LHPP: variants seen among roughly 807,000 people sequenced by gnomAD.
The protein encoded by LHPP is hLHPP.
Under a neutral mutation model 30.3 loss-of-function variants are expected in LHPP, and 24 were observed. The observed-to-expected ratio is 0.79, with a 90% CI of 0.57 to 1.11. LHPP has a LOEUF of 1.11. Ranked by LOEUF, LHPP falls within the 50% of genes most tolerant of loss-of-function variation. The probability of loss-of-function intolerance (pLI) is 0.00; values close to 1 mark genes in which losing one functional copy is unlikely to be tolerated. For synonymous variants in LHPP, 150 were observed against 157.1 expected (o/e 0.95, Z 0.34); for missense variants, 356 against 367.2 (o/e 0.97, Z 0.25).
rs894142648 is a variant in LHPP at position 124,517,648 on chromosome 10, C to G, written c.716+377C>G. ...AGTTACAGCTGTGGGCACTCAGCCC[C>G]TTGGACAGCCTCCCTCTCCTTTTGT... On this transcript the variant is annotated intron_variant, in intron 6 of 6. Transcript: ENST00000368842. The surrounding 1 kb of genome is among the most constrained non-coding windows in gnomAD (Gnocchi z 4.1). Among the ~76,000 whole-genome samples the G allele has an allele frequency of 3.9e-5, 6 of 152,244 alleles. No homozygotes were observed. Among genetic ancestry groups the G allele is most frequent in the African/African-American group, 1.4e-4 (6 of 41,464 alleles).
chr10:124,597,924 G>A (rs917484567), intron 6 of LHPP, among the ~76,000 whole-genome samples: 4 of 152,166 alleles, frequency 2.6e-5, no homozygotes, highest in Non-Finnish European at 5.9e-5. Context: ...AAGGCCCTAC[G>A]CCCAGGCCCG....
Position 124,610,494 on chromosome 10 carries a change from A to C in LHPP, c.717-2770A>C, listed in dbSNP as rs370545788. On this transcript the variant is annotated intron_variant, in intron 6 of 6. Transcript: ENST00000368842. ...GGTGCTGATGGAGCGGGTGAGGGTG[A>C]GGGTGTTGACGGAGCGGGTGAGGGT... is the stretch of plus-strand genomic sequence containing the variant. Among the ~76,000 whole-genome samples the C allele has an allele frequency of 2.4e-3, 195 of 80,356 alleles. 3 individuals carry two copies. The highest frequency in any genetic ancestry group is 2.8e-3 in the Non-Finnish European group (123 of 43,952). 52.7% of individuals were successfully genotyped at this position (80,356 alleles called of 152,430 possible).
chr10:124,528,932 GGCCCTGGGGCC>G (rs1296232819), intron 6 of LHPP, among the ~76,000 whole-genome samples: 2 of 152,176 alleles, frequency 1.3e-5, no homozygotes, highest in Admixed American at 6.5e-5. Context: ...CCCCTGGAGT[GGCCCTGGGGCC>G]ACCACATAAC....
In LHPP at chr10:124,593,265, TG is replaced by T. The variant is rs1461197422; in HGVS notation, c.717-19996del. 6.6e-6 allele frequency among the ~76,000 whole-genome samples: 1 copy of T among 152,100 alleles called. No individual in the cohort carries two copies. The highest frequency in any genetic ancestry group is 1.5e-5 in the Non-Finnish European group (1 of 67,996). On this transcript the variant is annotated intron_variant, in intron 6 of 6. Transcript: ENST00000368842. The surrounding 1 kb of genome is among the most constrained non-coding windows in gnomAD (Gnocchi z 4.9). ...CTTTCTCTTTGGGTCCTGCAGCCCG[TG>T]GGTGGCAGGGCGGTAACCCCATCTG... is the stretch of plus-strand genomic sequence containing the variant.
At chr10:124,519,804 T>C (rs1302034895) in intron 6 of LHPP, among the ~76,000 whole-genome samples, 3 of 151,450 alleles carry the variant, frequency 2.0e-5, no homozygotes, top group Non-Finnish European at 4.4e-5. Context: ...TTCCATGGTG[T>C]ATATGTACCA....
chr10:124,521,252 C>T (rs144073464), intron 6 of LHPP, among the ~76,000 whole-genome samples: 3,927 of 152,290 alleles, frequency 0.026, 74 homozygotes, highest in Non-Finnish European at 0.037. Context: ...TGGAGTCAGC[C>T]GGGCACCTGC....
intron 1 of LHPP, among the ~76,000 whole-genome samples, chr10:124,474,556 G>A (rs76904952): frequency 0.019 from 2,849 of 152,224 alleles, 90 homozygotes; most frequent in East Asian, 0.14. Flanking sequence ...AACATAAAAG[G>A]ATTCTCATCC....
intron 6 of LHPP, among the ~76,000 whole-genome samples, chr10:124,603,238 G>A (rs1949049313): frequency 6.6e-6 from 1 of 152,206 alleles, no homozygotes; most frequent in Non-Finnish European, 1.5e-5. Context: ...GGTGGTTTGG[G>A]CTGGGCAGGC....
chr10:124,462,038 C>A, intron 1 of LHPP, 51 bp downstream of exon 1: 1 of 1,190,486 alleles, frequency 8.4e-7, no homozygotes, highest in Non-Finnish European at 1.0e-6. Flanking sequence ...AAGCTCAGCC[C>A]GCTCCCTGGC....
intron 6 of LHPP, among the ~76,000 whole-genome samples, chr10:124,566,994 G>A (rs1411020688): frequency 6.6e-6 from 1 of 152,192 alleles, no homozygotes; most frequent in Non-Finnish European, 1.5e-5. Flanking sequence ...CAGGCACTGG[G>A]ACCCCACAGA....
At chr10:124,511,490 T>A (rs967933617) in intron 5 of LHPP, among the ~76,000 whole-genome samples, 6 of 152,166 alleles carry the variant, frequency 3.9e-5, no homozygotes, top group Non-Finnish European at 5.9e-5. Context: ...CAGTACCTCA[T>A]GTCTCGCGGT....
At chr10:124,552,933 G>A (rs1482025626) in intron 6 of LHPP, among the ~76,000 whole-genome samples, 1 of 152,244 alleles carries the variant, frequency 6.6e-6, no homozygotes, top group African/African-American at 2.4e-5. Flanking sequence ...TGGGTTTGGA[G>A]CTAATTAAGG....
At position 124,484,161 on chromosome 10, in the gene LHPP, G is replaced by C; in HGVS notation, c.148G>C (p.Val50Leu). The change falls in exon 2 of 7, where the codon GTG (valine) becomes CTG (leucine). Residue 50 changes from valine (V) to leucine (L), a missense_variant. Physicochemically the swap from Val to Leu is conservative, Grantham distance 32. Transcript: ENST00000368842. ...CAGACTGAAGCGTTCCCGGCTGAAG[G>C]TGAGGTTCTGCACCAACGAGTCGCA... is the stretch of plus-strand genomic sequence containing the variant. ...VARLKRSRLK[V>L]RFCTNESQKS... is the part of the protein sequence containing the mutation. 1 of 1,614,030 alleles carries C rather than the reference G, an allele frequency of 6.2e-7. No individual in the cohort carries two copies. The highest frequency in any genetic ancestry group is 8.5e-7 in the Non-Finnish European group (1 of 1,180,000).
chr10:124,557,064 A>C (rs1405547284), intron 6 of LHPP, among the ~76,000 whole-genome samples: 1 of 152,106 alleles, frequency 6.6e-6, no homozygotes, highest in Non-Finnish European at 1.5e-5. Flanking sequence ...AGGAAATCAC[A>C]TTTTAGTCCC....
chr10:124,593,514 C>T lies in LHPP; in HGVS notation c.717-19750C>T, dbSNP rs1354388243. On this transcript the variant is annotated intron_variant, in intron 6 of 6. Transcript: ENST00000368842. The surrounding 1 kb of genome is among the most constrained non-coding windows in gnomAD (Gnocchi z 4.9). The stretch of plus-strand genomic sequence containing the variant: ...TTAGAGTCACACTGGGGTCCTTGTT[C>T]TAGCCCCCGTGTGTTGGCTGCATGA... Among the ~76,000 whole-genome samples the T allele has an allele frequency of 2.6e-5, 4 of 152,188 alleles. No homozygotes were observed. The highest frequency in any genetic ancestry group is 4.4e-5 in the Non-Finnish European group (3 of 68,034).
intron 6 of LHPP, among the ~76,000 whole-genome samples, chr10:124,603,547 T>G (rs4297414): frequency 0.61 from 92,113 of 151,742 alleles, 28,161 homozygotes; most frequent in East Asian, 0.69. Context: ...ACTCCTTCAG[T>G]CCTGGGTTTT....
intron 6 of LHPP, among the ~76,000 whole-genome samples, chr10:124,565,907 T>C (rs1948482199): frequency 6.6e-6 from 1 of 152,122 alleles, no homozygotes. Context: ...TAAGGAGAAA[T>C]CCAGGGTTGA....
intron 5 of LHPP, among the ~76,000 whole-genome samples, chr10:124,509,706 G>C (rs1954252628): frequency 6.6e-6 from 1 of 151,990 alleles, no homozygotes; most frequent in South Asian, 2.1e-4. Flanking sequence ...TGGATTCAGG[G>C]CTCATCCTAG....
At chr10:124,521,009 T>C (rs10794144) in intron 6 of LHPP, among the ~76,000 whole-genome samples, 25,453 of 152,276 alleles carry the variant, frequency 0.17, 3,059 homozygotes, top group South Asian at 0.32. Context: ...GTTCGCTGGC[T>C]TCTGCAGGAG....
Sources: gnomAD v4.1 joint callset for allele counts (sites outside exome capture counted in the v4.1 genomes callset) on GRCh38, gnomAD v4.1.1 for gene constraint, Gnocchi (gnomAD v3.1) non-coding constraint, MANE v1.5 for transcripts, NCBI Gene and HGNC (gene_info 2026-07-23, HGNC 2026-07-21) for gene names.